AKAP19: variants seen among roughly 807,000 people sequenced by gnomAD.
The protein encoded by AKAP19 is A-kinase anchoring protein 19, also known as small A-kinase anchoring protein.
the AKAP19 span, among the ~76,000 whole-genome samples, chr2:189,932,407 CAAAAAA>C: frequency 5.6e-5 from 7 of 124,076 alleles, no homozygotes; most frequent in Admixed American, 8.2e-5. Context: ...GACTCCAACT[CAAAAAA>C]AAAAAAAAAA....
the AKAP19 span, among the ~76,000 whole-genome samples, chr2:190,107,414 T>G: frequency 6.6e-6 from 1 of 151,692 alleles, no homozygotes; most frequent in African/African-American, 2.4e-5. Context: ...AAGTTGTGAT[T>G]CCAGTATTTT....
chr2:190,176,306 G>A, the AKAP19 span, among the ~76,000 whole-genome samples: 1 of 152,196 alleles, frequency 6.6e-6, no homozygotes, highest in Non-Finnish European at 1.5e-5. The surrounding 1 kb of genome is among the most constrained non-coding windows in gnomAD (Gnocchi z 4.7). Flanking sequence ...ACTAGGAGTA[G>A]TAAAAAATAG....
the AKAP19 span, among the ~76,000 whole-genome samples, chr2:190,114,575 C>G: frequency 6.6e-6 from 1 of 152,192 alleles, no homozygotes; most frequent in Non-Finnish European, 1.5e-5. Flanking sequence ...CCTGCCTCAG[C>G]CTTCCGAGTA....
the AKAP19 span, among the ~76,000 whole-genome samples, chr2:190,030,767 T>TGTTTGTG: frequency 6.6e-6 from 1 of 152,208 alleles, no homozygotes; most frequent in Non-Finnish European, 1.5e-5. Context: ...GAAAGTGTCA[T>TGTTTGTG]GTTTGTGACT....
At chr2:189,920,363 G>A in the AKAP19 span, among the ~76,000 whole-genome samples, 3 of 152,036 alleles carry the variant, frequency 2.0e-5, no homozygotes, top group African/African-American at 4.8e-5. Flanking sequence ...TCACATTTAC[G>A]TTCCCACCAG....
chr2:189,940,075 C>T, the AKAP19 span, among the ~76,000 whole-genome samples: 2 of 151,986 alleles, frequency 1.3e-5, no homozygotes, highest in Admixed American at 6.6e-5. Context: ...GTCAGGAGAT[C>T]GAGACCATCT....
chr2:189,975,378 G>A, the AKAP19 span, among the ~76,000 whole-genome samples: 12 of 152,272 alleles, frequency 7.9e-5, no homozygotes, highest in East Asian at 9.6e-4. Context: ...TTCCCTTTGT[G>A]GGTAACCCGA....
chr2:190,072,620 T>C, the AKAP19 span, among the ~76,000 whole-genome samples: 3 of 152,192 alleles, frequency 2.0e-5, no homozygotes, highest in Non-Finnish European at 4.4e-5. Flanking sequence ...ACAAATATTG[T>C]AATAAATGTC....
chr2:189,886,702 C>A, the AKAP19 span, among the ~76,000 whole-genome samples: 1 of 152,084 alleles, frequency 6.6e-6, no homozygotes, highest in South Asian at 2.1e-4. Flanking sequence ...GGAAGGTTTT[C>A]TTTTTTGTTT....
the AKAP19 span, chr2:190,057,143 A>C: frequency 9.1e-7 from 1 of 1,103,480 alleles, no homozygotes; most frequent in South Asian, 1.4e-5. Context: ...CTTATGCTTA[A>C]GTGACTGTAG....
chr2:189,953,494 C>T, the AKAP19 span, among the ~76,000 whole-genome samples: 1 of 151,916 alleles, frequency 6.6e-6, no homozygotes, highest in East Asian at 1.9e-4. Flanking sequence ...ATTAGCCAGG[C>T]ATGGTGGTGC....
chr2:190,114,564 T>G, the AKAP19 span, among the ~76,000 whole-genome samples: 1 of 152,206 alleles, frequency 6.6e-6, no homozygotes, highest in African/African-American at 2.4e-5. Context: ...CACGCCATTC[T>G]CCTGCCTCAG....
the AKAP19 span, among the ~76,000 whole-genome samples, chr2:189,922,507 A>G: frequency 6.6e-6 from 1 of 152,178 alleles, no homozygotes; most frequent in African/African-American, 2.4e-5. Context: ...CTGTATTTGC[A>G]ATTATGCCTA....
At chr2:190,195,941 C>CTTTTTTTT in the AKAP19 span, among the ~76,000 whole-genome samples, 6 of 86,192 alleles carry the variant, frequency 7.0e-5, no homozygotes, top group Non-Finnish European at 9.3e-5. Context: ...CTGTGTCCAG[C>CTTTTTTTT]TTTTTTTTTT....
the AKAP19 span, among the ~76,000 whole-genome samples, chr2:190,158,337 T>C: frequency 6.6e-6 from 1 of 152,196 alleles, no homozygotes; most frequent in Non-Finnish European, 1.5e-5. Flanking sequence ...AGGGTGTTTT[T>C]AGCAGAAGTA....
At chr2:190,177,558 C>A in the AKAP19 span, among the ~76,000 whole-genome samples, 1 of 152,212 alleles carries the variant, frequency 6.6e-6, no homozygotes, top group East Asian at 1.9e-4. The surrounding 1 kb of genome is among the most constrained non-coding windows in gnomAD (Gnocchi z 4.6). Flanking sequence ...TTCTGCCTCG[C>A]CGGCATAACC....
At chr2:190,097,323 T>C in the AKAP19 span, among the ~76,000 whole-genome samples, 1 of 152,002 alleles carries the variant, frequency 6.6e-6, no homozygotes, top group East Asian at 1.9e-4. Flanking sequence ...GAACATACAG[T>C]GTTTGTTTTT....
the AKAP19 span, among the ~76,000 whole-genome samples, chr2:189,930,090 T>A: frequency 6.6e-6 from 1 of 152,156 alleles, no homozygotes; most frequent in African/African-American, 2.4e-5. Context: ...CCTACTTTTC[T>A]CTCTAAGTTT....
the AKAP19 span, among the ~76,000 whole-genome samples, chr2:190,038,878 C>CTCTTTCTT: frequency 9.8e-3 from 790 of 80,258 alleles, 82 homozygotes; most frequent in African/African-American, 0.031. Context: ...AGAGTCCTCC[C>CTCTTTCTT]TCTTTCTTTC....
Sources: gnomAD v4.1 joint callset for allele counts (sites outside exome capture counted in the v4.1 genomes callset) on GRCh38, gnomAD v4.1.1 for gene constraint, Gnocchi (gnomAD v3.1) non-coding constraint, MANE v1.5 for transcripts, NCBI Gene and HGNC (gene_info 2026-07-23, HGNC 2026-07-21) for gene names.